Variants in STX11 observed in about 807,000 individuals in gnomAD.
STX11 encodes syntaxin-11.
STX11 carries 21 observed loss-of-function variants against 19.9 expected under a neutral mutation model. The observed-to-expected ratio is 1.06, with a 90% CI of 0.75 to 1.52. The LOEUF is 1.52. Ranked by LOEUF, STX11 falls within the 40% of genes most tolerant of loss-of-function variation. The pLI is 0.00. For synonymous variants in STX11, 193 were observed against 174.4 expected, an observed-to-expected ratio of 1.11 and a Z score of -0.84; for missense variants, 438 against 405.9, an observed-to-expected ratio of 1.08 and a Z score of -0.68.
At position 144,172,170 on chromosome 6, in the gene STX11, C is replaced by T. The variant is rs193242561; in HGVS notation, c.-5-14453C>T. Among the ~76,000 whole-genome samples the T allele has an allele frequency of 6.6e-6, 1 of 152,216 alleles. No individual in the cohort carries two copies. The highest frequency in any genetic ancestry group is 1.5e-5 in the Non-Finnish European group (1 of 68,028). On this transcript the variant is annotated intron_variant, in intron 1 of 1. Coordinates refer to ENST00000367568, the MANE Select transcript of STX11 (RefSeq NM_003764.4). The surrounding 1 kb of genome is among the most constrained non-coding windows in gnomAD (Gnocchi z 4.2). ...TAGCTTTGTCAGTATAACAAGCCAC[C>T]CCCAAATAACAATTTTCTATTTCTC...
rs754067223 is a variant in STX11 at position 144,169,408 on chromosome 6, A to G, written c.-5-17215A>G. 3.3e-5 allele frequency among the ~76,000 whole-genome samples: 5 copies of G among 152,138 alleles called. No homozygotes were observed. The highest frequency in any genetic ancestry group is 5.9e-5 in the Non-Finnish European group (4 of 68,022). ...TGCTTCATCACCACACATCTTTGAA[A>G]ATTTGATGCTGTGTCTTTTCTAAAA... On this transcript the variant is annotated intron_variant, in intron 1 of 1. Coordinates refer to ENST00000367568, the MANE Select transcript of STX11 (RefSeq NM_003764.4). The surrounding 1 kb of genome is among the most constrained non-coding windows in gnomAD (Gnocchi z 5.2).
At chr6:144,164,663 T>C (rs1801431882) in intron 1 of STX11, among the ~76,000 whole-genome samples, 1 of 152,192 alleles carries the variant, frequency 6.6e-6, no homozygotes, top group South Asian at 2.1e-4. Flanking sequence ...TCAATACCTG[T>C]AGATGTTGAT....
rs1236196478 is a variant in STX11, at chr6:144,189,355, CATCTGG to C, written c.*1867_*1872del. Among the ~76,000 whole-genome samples, 1 of 152,180 alleles carries C rather than the reference CATCTGG, an allele frequency of 6.6e-6. No individual in the cohort carries two copies. The highest frequency in any genetic ancestry group is 1.5e-5 in the Non-Finnish European group (1 of 68,034). ...TTTCTACTAGCTACTGAGGCTGCCA[CATCTGG>C]ATGGAACTGAGTGGAGGGGGAAAAG... On this transcript the variant is annotated 3_prime_UTR_variant, in exon 2 of 2. Coordinates refer to ENST00000367568, the MANE Select transcript of STX11 (RefSeq NM_003764.4).
At position 144,162,804 on chromosome 6, in the gene STX11, T is replaced by A. The variant is rs1801376764; in HGVS notation, c.-6+12101T>A. 6.6e-6 allele frequency among the ~76,000 whole-genome samples: 1 copy of A among 152,234 alleles called. No individual in the cohort carries two copies. The highest frequency in any genetic ancestry group is 2.4e-5 in the African/African-American group (1 of 41,464). ...CTAAGAGCAGTAAGTAAAAAATTAC[T>A]CAACTATCATTTATAAATCTTCTTG... On this transcript the variant is annotated intron_variant, in intron 1 of 1. Transcript: ENST00000367568. This position sits in a 1 kb window ranked among gnomAD's most constrained non-coding sequence, Gnocchi z 4.6.
Position 144,187,648 on chromosome 6 carries a change from G to C in STX11, c.*157G>C. 1.0e-6 allele frequency: 1 copy of C among 958,822 alleles called. No homozygotes were observed. The highest frequency in any genetic ancestry group is 1.6e-6 in the Non-Finnish European group (1 of 637,336). 59.4% of individuals were successfully genotyped at this position (958,822 alleles called of 1,614,324 possible). A position where few individuals can be genotyped will look rare whatever the true frequency, so the allele number is the denominator to read the frequency against. On this transcript the variant is annotated 3_prime_UTR_variant, in exon 2 of 2. Coordinates refer to ENST00000367568, the MANE Select transcript of STX11 (RefSeq NM_003764.4). The surrounding 1 kb of genome is among the most constrained non-coding windows in gnomAD (Gnocchi z 5.6). ...CGCCAGGTTCAAGAATTGCAAACCA[G>C]CCTGTGCTTGGAAAGATGGTTAGTT...
At chr6:144,178,110 A>G (rs1801819336) in intron 1 of STX11, among the ~76,000 whole-genome samples, 2 of 152,226 alleles carry the variant, frequency 1.3e-5, no homozygotes, top group African/African-American at 2.4e-5. Context: ...ACGATTTTAA[A>G]AGAAGCCTTC....
chr6:144,145,169 G>C, the STX11 span, among the ~76,000 whole-genome samples: 2 of 152,116 alleles, frequency 1.3e-5, no homozygotes, highest in Non-Finnish European at 1.5e-5. Flanking sequence ...CAGGTGAATG[G>C]ATAAACAAAA....
In STX11 at chr6:144,155,957, T is replaced by A. The variant is rs1277017782; in HGVS notation, c.-6+5254T>A. ...AAAATTTAATCTTTCTTTCTTTCTTTCTTTCTTTCTTTCTTTCTTTCTTTC... is the reference window on the plus strand; with the variant it reads ...AAAATTTAATCTTTCTTTCTTTCTTACTTTCTTTCTTTCTTTCTTTCTTTC... On this transcript the variant is annotated intron_variant, in intron 1 of 1. Coordinates refer to ENST00000367568, the MANE Select transcript of STX11 (RefSeq NM_003764.4). The surrounding 1 kb of genome is among the most constrained non-coding windows in gnomAD (Gnocchi z 4.5). Among the ~76,000 whole-genome samples the A allele has an allele frequency of 1.2e-5, 1 of 83,278 alleles. No homozygotes were observed. Among genetic ancestry groups the A allele is most frequent in the Non-Finnish European group, 2.3e-5 (1 of 43,906 alleles). The allele number at this position is 83,278 out of a possible 152,430, so 54.6% of individuals were successfully genotyped here. A position where few individuals can be genotyped will look rare whatever the true frequency, so the allele number is the denominator to read the frequency against.
chr6:144,143,195 C>A, the STX11 span, among the ~76,000 whole-genome samples: 10 of 152,218 alleles, frequency 6.6e-5, no homozygotes, highest in Middle Eastern at 3.4e-3. Flanking sequence ...ATATGGCATA[C>A]AGTCTGGTTT....
chr6:144,180,445 G>C lies in STX11; in HGVS notation c.-5-6178G>C, dbSNP rs1005658177. The stretch of plus-strand genomic sequence containing the variant: ...CATGTGTTGTGGGAGGGACCCAGGG[G>C]AAGGTAATTGAATCCTGGGGATTGG... On this transcript the variant is annotated intron_variant, in intron 1 of 1. Transcript: ENST00000367568. The surrounding 1 kb of genome is among the most constrained non-coding windows in gnomAD (Gnocchi z 5.3). Among the ~76,000 whole-genome samples the C allele has an allele frequency of 3.3e-5, 5 of 152,214 alleles. No homozygotes were observed. The highest frequency in any genetic ancestry group is 5.9e-5 in the Non-Finnish European group (4 of 68,036).
At chr6:144,145,948 T>C (rs1210118530), upstream of STX11, among the ~76,000 whole-genome samples, 1 of 152,244 alleles carries the variant, frequency 6.6e-6, no homozygotes, top group Admixed American at 6.5e-5. Flanking sequence ...GTTACAATGG[T>C]AAATTCTATA....
Position 144,187,769 on chromosome 6 carries a change from C to T in STX11, c.*278C>T. ...TGCACTCTTACCGTCTTGACAGAAG[C>T]CAAGTAAGGAACTGAAGTTGTATCT... On this transcript the variant is annotated 3_prime_UTR_variant, in exon 2 of 2. Coordinates refer to ENST00000367568, the MANE Select transcript of STX11 (RefSeq NM_003764.4). The surrounding 1 kb of genome is among the most constrained non-coding windows in gnomAD (Gnocchi z 5.6). 1 of 554,624 alleles carries T rather than the reference C, an allele frequency of 1.8e-6. No homozygotes were observed. The allele number at this position is 554,624 out of a possible 1,614,324, so 34.4% of individuals were successfully genotyped here. A position where few individuals can be genotyped will look rare whatever the true frequency, so the allele number is the denominator to read the frequency against.
At position 144,154,040 on chromosome 6, in the gene STX11, T is replaced by C. The variant is rs1338834756; in HGVS notation, c.-6+3337T>C. The stretch of plus-strand genomic sequence containing the variant: ...AGACTCACTATGTGCGTTAAGCCTT[T>C]TACTCGTCAGTACAATCCTGTGAGA... On this transcript the variant is annotated intron_variant, in intron 1 of 1. Coordinates refer to ENST00000367568, the MANE Select transcript of STX11 (RefSeq NM_003764.4). The surrounding 1 kb of genome is among the most constrained non-coding windows in gnomAD (Gnocchi z 4.7). Among the ~76,000 whole-genome samples, 1 of 152,216 alleles carries C rather than the reference T, an allele frequency of 6.6e-6. No individual in the cohort carries two copies. Among genetic ancestry groups the C allele is most frequent in the Non-Finnish European group, 1.5e-5 (1 of 68,028 alleles).
chr6:144,154,211 A>G lies in STX11; in HGVS notation c.-6+3508A>G, dbSNP rs566242219. On this transcript the variant is annotated intron_variant, in intron 1 of 1. Coordinates refer to ENST00000367568, the MANE Select transcript of STX11 (RefSeq NM_003764.4). This position sits in a 1 kb window ranked among gnomAD's most constrained non-coding sequence, Gnocchi z 4.7. ...ATGTGCTGTCTTGATGAATGAATCA[A>G]TGAGGTTTTGGACTTTGTGGTAAGC... Among the ~76,000 whole-genome samples, 56 of 152,308 alleles carry G rather than the reference A, an allele frequency of 3.7e-4. No homozygotes were observed. The highest frequency in any genetic ancestry group is 1.3e-3 in the African/African-American group (53 of 41,566).
chr6:144,168,660 A>C (rs1033563520), intron 1 of STX11, among the ~76,000 whole-genome samples: 1 of 152,216 alleles, frequency 6.6e-6, no homozygotes, highest in African/African-American at 2.4e-5. Flanking sequence ...CACTGAACCC[A>C]CCAGAGCTTG....
chr6:144,151,538 A>G lies in STX11; in HGVS notation c.-6+835A>G. ...TGCCCTGCCAACCTGGGGCAGTGGT[A>G]TGGGAAGTGACGATTGAGTTTTCAG... On this transcript the variant is annotated intron_variant, in intron 1 of 1. Transcript: ENST00000367568. The surrounding 1 kb of genome is among the most constrained non-coding windows in gnomAD (Gnocchi z 4.6). The G allele has an allele frequency of 3.2e-6, 2 of 623,582 alleles. No individual in the cohort carries two copies. Among genetic ancestry groups the G allele is most frequent in the Non-Finnish European group, 2.0e-6 (1 of 499,316 alleles). 38.6% of individuals were successfully genotyped at this position (623,582 alleles called of 1,614,324 possible). A position where few individuals can be genotyped will look rare whatever the true frequency, so the allele number is the denominator to read the frequency against.
rs1802131936 is a variant in STX11 at position 144,188,682 on chromosome 6, ATTTAG to A, written c.*1196_*1200del. On this transcript the variant is annotated 3_prime_UTR_variant, in exon 2 of 2. Coordinates refer to ENST00000367568, the MANE Select transcript of STX11 (RefSeq NM_003764.4). ...ATTTTTATACATTTCTGGCTTGACC[ATTTAG>A]TTTACTTTCTCAATTATTGTTAAAA... Among the ~76,000 whole-genome samples the A allele has an allele frequency of 4.1e-5, 6 of 145,246 alleles. 1 individual carries two copies. In the South Asian group the frequency reaches 1.3e-3, roughly 32 times the overall value.
chr6:144,186,292 T>C (rs1205316025), intron 1 of STX11, among the ~76,000 whole-genome samples: 1 of 149,880 alleles, frequency 6.7e-6, no homozygotes, highest in Admixed American at 6.6e-5. Context: ...GTTGTGCACA[T>C]GTACCCTAGA....
Position 144,169,663 on chromosome 6 carries a change from CCCTT to C in STX11, c.-5-16938_-5-16935del, listed in dbSNP as rs144586806. Among the ~76,000 whole-genome samples the C allele has an allele frequency of 4.7e-4, 66 of 139,806 alleles. No homozygotes were observed. Among genetic ancestry groups the C allele is most frequent in the Admixed American group, 7.4e-4 (10 of 13,526 alleles). The allele number at this position is 139,806 out of a possible 152,430, so 91.7% of individuals were successfully genotyped here. On this transcript the variant is annotated intron_variant, in intron 1 of 1. Coordinates refer to ENST00000367568, the MANE Select transcript of STX11 (RefSeq NM_003764.4). This position sits in a 1 kb window ranked among gnomAD's most constrained non-coding sequence, Gnocchi z 5.2. ...CTCCTTTTCTTTTCCCTCCCTCCCT[CCCTT>C]CCTTCCTTCCTTCCTTCCTTCTTTC... is the stretch of plus-strand genomic sequence containing the variant.
Sources: allele counts gnomAD v4.1 joint callset (sites outside exome capture counted in the v4.1 genomes callset), GRCh38; gene constraint gnomAD v4.1.1; non-coding constraint Gnocchi (gnomAD v3.1); transcripts MANE v1.5; gene names NCBI Gene and HGNC (gene_info 2026-07-23, HGNC 2026-07-21).